Variants in AKAP4 observed in about 807,000 individuals in gnomAD.
The protein encoded by AKAP4 is A-kinase anchoring protein 4, also known as A-kinase anchor protein 4.
In AKAP4, 4 loss-of-function variants were observed where a neutral mutation model predicts 42.6. The observed-to-expected ratio is 0.09, with a 90% confidence interval of 0.05 to 0.22. The LOEUF (loss-of-function observed/expected upper bound fraction) is 0.22. AKAP4 is among the 10% of genes least tolerant of loss of function. The probability of loss-of-function intolerance (pLI) is 1.00; values close to 1 mark genes in which losing one functional copy is unlikely to be tolerated. For synonymous variants in AKAP4, 223 were observed against 233.0 expected (o/e 0.96, Z 0.39); for missense variants, 551 against 630.7 (o/e 0.87, Z 1.35).
At position 50,192,387 on chromosome X, in the gene AKAP4, C is replaced by T. The variant is rs1206009762; in HGVS notation, c.2326G>A (p.Ala776Thr). The T allele has an allele frequency of 8.3e-7, 1 of 1,205,754 alleles. No individual in the cohort carries two copies. The highest frequency in any genetic ancestry group is 1.1e-6 in the Non-Finnish European group (1 of 893,024). Residue 776 changes from alanine (A) to threonine (T), a missense_variant, in exon 5 of 6, where the codon GCT (alanine) becomes ACT (threonine). By Grantham distance (58) the Ala-to-Thr change is moderately conservative. Transcript: ENST00000358526. The part of the protein sequence containing the change: ...STNSLQKQLQ[A>T]VLQWIAASQF... Reference sequence around the variant, plus strand: ...GAGGCTGCAATCCACTGCAGGACAGCCTGGAGCTGCTTCTGCAAGCTATTT... The same window carrying T: ...GAGGCTGCAATCCACTGCAGGACAGTCTGGAGCTGCTTCTGCAAGCTATTT...
At position 50,192,527 on chromosome X, in the gene AKAP4, G is replaced by A. The variant is rs1935126171; in HGVS notation, c.2186C>T (p.Ala729Val). ...CCTGAAATTGGGCTTATTTGCCGAG[G>A]CTGCTTGTTCTTCCAACTCAGCAAG... ...AALAELEEQA[A>V]SANKPNFRGT... Residue 729 changes from alanine to valine, a missense_variant, in exon 5 of 6, where the codon GCC becomes GTC. Coordinates refer to ENST00000358526, the MANE Select transcript of AKAP4 (RefSeq NM_003886.3). 3 of 1,211,565 alleles carry A rather than the reference G, an allele frequency of 2.5e-6. No individual in the cohort carries two copies. The African/African-American group carries it at 5.2e-5, about 21-fold the overall frequency.
chrX:50,197,395 A>T, intron 3 of AKAP4, 149 bp downstream of exon 3: 1 of 467,903 alleles, frequency 2.1e-6, no homozygotes, highest in Non-Finnish European at 3.5e-6. Context: ...AGAACCAGGG[A>T]TCTTGGGCTC....
rs782692161 is a variant in AKAP4 at position 50,195,003 on chromosome X, CAA to C, written c.277-569_277-568del. 5.4e-5 allele frequency among the ~76,000 whole-genome samples: 6 copies of C among 111,711 alleles called. No homozygotes were observed. The South Asian group carries it at 2.2e-3, about 41-fold the overall frequency. On this transcript the variant is annotated intron_variant, in intron 4 of 5. Transcript: ENST00000358526. ...GTGTGTCTCTGAATATGTAAATGAG[CAA>C]GTGTCAATTTCAGTAATCTGCATAT...
chrX:50,198,705 C>A lies in AKAP4; in HGVS notation c.75G>T (p.Lys25Asn). The A allele has an allele frequency of 8.3e-7, 1 of 1,210,266 alleles. No individual in the cohort carries two copies. Among genetic ancestry groups the A allele is most frequent in the Non-Finnish European group, 1.1e-6 (1 of 894,522 alleles). Residue 25 changes from lysine to asparagine, a missense_variant, in exon 2 of 6, where the codon AAG becomes AAT. Physicochemically the swap from Lys to Asn is moderately conservative, Grantham distance 94. Coordinates refer to ENST00000358526, the MANE Select transcript of AKAP4 (RefSeq NM_003886.3). ...DWLRSHRGVC[K>N]VDLYNPEGQQ... ...GTCCTTCTGGGTTGTAGAGATCTAC[C>A]TTGCACACACCCCTGTGGCTGCGTA...
At chrX:50,191,619 G>GGT (rs34737063) in intron 5 of AKAP4, among the ~76,000 whole-genome samples, 13,766 of 85,330 alleles carry the variant, frequency 0.16, 968 homozygotes, top group Admixed American at 0.28. Context: ...CTGTCAGATA[G>GGT]GTGTGTGTGT....
intron 4 of AKAP4, among the ~76,000 whole-genome samples, chrX:50,194,917 T>A (rs1268825955): frequency 8.9e-6 from 1 of 111,942 alleles, no homozygotes; most frequent in African/African-American, 3.2e-5. Context: ...TAGGCTGACA[T>A]GTGCATGTTA....
chrX:50,200,034 A>G (rs1557204716), intron 1 of AKAP4, among the ~76,000 whole-genome samples: 2 of 103,925 alleles, frequency 1.9e-5, no homozygotes, highest in African/African-American at 7.1e-5. Flanking sequence ...TCCTTCAGGA[A>G]TCTCTGTGAA....
rs370785257 is a variant in AKAP4 at position 50,192,463 on chromosome X, G to A, written c.2250C>T (p.Asn750=). 5.0e-6 allele frequency: 6 copies of A among 1,208,104 alleles called. No individual in the cohort carries two copies. The highest frequency in any genetic ancestry group is 6.7e-6 in the Non-Finnish European group (6 of 894,348). ...RCIHSGAMPQ[N]YQDSLGHEVI... ...CTTCATGTCCAAGAGAGTCTTGATA[G>A]TTCTGTGGCATTGCACCACTGTGAA... The change falls in exon 5 of 6, where the codon AAC becomes AAT. Residue 750 remains asparagine (N), a synonymous_variant. Transcript: ENST00000358526.
intron 5 of AKAP4, among the ~76,000 whole-genome samples, chrX:50,191,659 T>TGTGTGTGTGA (rs1363221828): frequency 7.8e-4 from 34 of 43,584 alleles, no homozygotes; most frequent in African/African-American, 2.5e-3. Context: ...TGTGTGTGTG[T>TGTGTGTGTGA]GAGAGAGAGA....
chrX:50,191,990 T>C (rs782049794), intron 5 of AKAP4, among the ~76,000 whole-genome samples: 25 of 111,107 alleles, frequency 2.3e-4, no homozygotes, highest in African/African-American at 8.2e-4. Context: ...TCTAGAGTAC[T>C]TTGGGGGATC....
intron 2 of AKAP4, 21 bp downstream of exon 2, chrX:50,198,636 A>G (rs782641518): frequency 5.1e-6 from 6 of 1,175,901 alleles, no homozygotes; most frequent in Admixed American, 2.2e-5. Flanking sequence ...ACTCCTCGGC[A>G]TGAGTCATTT....
chrX:50,194,614 A>G (rs968855632), intron 4 of AKAP4, among the ~76,000 whole-genome samples, 178 bp from the exon 5 acceptor site: 27 of 108,617 alleles, frequency 2.5e-4, no homozygotes, highest in African/African-American at 7.7e-4. Context: ...AAAAGTTCAA[A>G]GTATATACAT....
intron 5 of AKAP4, 109 bp downstream of exon 5, chrX:50,192,195 C>T (rs1220646712): frequency 1.1e-5 from 8 of 710,640 alleles, no homozygotes; most frequent in African/African-American, 8.9e-5. Flanking sequence ...ATGAAGCACA[C>T]GGTAAAGAAT....
intron 1 of AKAP4, chrX:50,200,105 G>A (rs1374937447): frequency 4.6e-6 from 2 of 433,041 alleles, no homozygotes; most frequent in African/African-American, 5.7e-5. Flanking sequence ...TTTTCCAAGA[G>A]CTACATAGGG....
intron 5 of AKAP4, among the ~76,000 whole-genome samples, chrX:50,191,564 T>A (rs1361060961): frequency 9.2e-6 from 1 of 108,969 alleles, no homozygotes; most frequent in Non-Finnish European, 1.9e-5. Context: ...ATAACTTTGT[T>A]AAGTATTTGA....
chrX:50,195,773 AT>A lies in AKAP4; in HGVS notation c.276+1117del, dbSNP rs1272728267. 1.6e-4 allele frequency among the ~76,000 whole-genome samples: 18 copies of A among 111,765 alleles called. No homozygotes were observed. The Admixed American group carries it at 1.7e-3, about 11-fold the overall frequency. On this transcript the variant is annotated intron_variant, in intron 4 of 5. Coordinates refer to ENST00000358526, the MANE Select transcript of AKAP4 (RefSeq NM_003886.3). ...AATTGTTTTTTGTAAATGTATATAA[AT>A]GTATACATTGATGTGTGTATCATTT...
At position 50,190,971 on chromosome X, in the gene AKAP4, C is replaced by G; in HGVS notation, c.2554G>C (p.Ala852Pro). The G allele has an allele frequency of 2.5e-6, 3 of 1,209,993 alleles. No homozygotes were observed. Among genetic ancestry groups the G allele is most frequent in the Non-Finnish European group, 3.4e-6 (3 of 895,002 alleles). ...AGTCAAGGATCAGCTCACAGGTTAGCGAGCAGCCAGTCCAGCAACTGTTTC... is the reference window on the plus strand; with the variant it reads ...AGTCAAGGATCAGCTCACAGGTTAGGGAGCAGCCAGTCCAGCAACTGTTTC... The part of the protein sequence containing the change: ...ARKQLLDWLL[A>P]NL The change falls in exon 6 of 6, where the codon GCT becomes CCT. Residue 852 changes from alanine to proline, a missense_variant. Physicochemically the swap from Ala to Pro is conservative, Grantham distance 27. Coordinates refer to ENST00000358526, the MANE Select transcript of AKAP4 (RefSeq NM_003886.3).
rs782388161 is a variant in AKAP4, at chrX:50,191,138, G to A, written c.2410-23C>T. The stretch of plus-strand genomic sequence containing the variant: ...AAGCTGTGGGGAAAACAGAGCTAGT[G>A]TGAGTTGCGTGATGCTTTTTGGAGG... On this transcript the variant is annotated intron_variant, in intron 5 of 5. Coordinates refer to ENST00000358526, the MANE Select transcript of AKAP4 (RefSeq NM_003886.3). 2.8e-5 allele frequency: 33 copies of A among 1,198,042 alleles called. No individual in the cohort carries two copies. In the South Asian group the frequency reaches 5.4e-4, roughly 20 times the overall value.
chrX:50,193,648 G>A lies in AKAP4; in HGVS notation c.1065C>T (p.His355=), dbSNP rs938832739. The A allele has an allele frequency of 8.3e-6, 10 of 1,210,257 alleles. No individual in the cohort carries two copies. The highest frequency in any genetic ancestry group is 1.0e-5 in the Non-Finnish European group (9 of 895,313). The change falls in exon 5 of 6, where the codon CAC becomes CAT. Residue 355 remains histidine, a synonymous_variant. Transcript: ENST00000358526. The part of the protein sequence containing the change: ...MVSLMKTLKV[H]SSGKPIPASV... ...ATGCTGGAATTGGCTTCCCAGAGCT[G>A]TGCACTTTCAAGGTCTTCATGAGAG...
Sources: gnomAD v4.1 joint callset for allele counts (sites outside exome capture counted in the v4.1 genomes callset) on GRCh38, gnomAD v4.1.1 for gene constraint, MANE v1.5 for transcripts, NCBI Gene and HGNC (gene_info 2026-07-23, HGNC 2026-07-21) for gene names.